The following DNAJB4 variants were observed in gnomAD, a reference collection of about 807,000 sequenced individuals.
DNAJB4 encodes the protein DnaJ heat shock protein family (Hsp40) member B4, also known as dnaJ homolog subfamily B member 4.
DNAJB4 carries 10 observed loss-of-function variants against 26.6 expected under a neutral mutation model. The observed-to-expected ratio is 0.38, with a 90% CI of 0.23 to 0.64. The LOEUF is 0.64. DNAJB4 is among the 30% of genes least tolerant of loss of function. DNAJB4 has a pLI of 0.58. For synonymous variants in DNAJB4, 136 were observed against 134.8 expected, an observed-to-expected ratio of 1.01 and a Z score of -0.06; for missense variants, 328 against 408.2, an observed-to-expected ratio of 0.80 and a Z score of 1.69.
At position 77,985,020 on chromosome 1, in the gene DNAJB4, G is replaced by C. The variant is rs913591493; in HGVS notation, c.-32+4698G>C. On this transcript the variant is annotated intron_variant, in intron 1 of 2. Coordinates refer to the DNAJB4 transcript ENST00000426517. Reference sequence around the variant, plus strand: ...TTTTGTGAACTGTCTTCTATATGAAGCATCGGTGTTTGGGTTGGAGGTTTT... The same window carrying C: ...TTTTGTGAACTGTCTTCTATATGAACCATCGGTGTTTGGGTTGGAGGTTTT... Among the ~76,000 whole-genome samples, 3 of 152,292 alleles carry C rather than the reference G, an allele frequency of 2.0e-5. No individual in the cohort carries two copies. In the South Asian group the frequency reaches 6.2e-4, roughly 32 times the overall value.
At chr1:77,981,958 A>G (rs1349587988) in intron 1 of DNAJB4, among the ~76,000 whole-genome samples, 1 of 152,190 alleles carries the variant, frequency 6.6e-6, no homozygotes, top group African/African-American at 2.4e-5. Flanking sequence ...TTTTTAGAGA[A>G]AAATTTGGAG....
intron 1 of DNAJB4, among the ~76,000 whole-genome samples, chr1:77,989,385 T>G (rs1037705442): frequency 6.6e-6 from 1 of 152,238 alleles, no homozygotes; most frequent in African/African-American, 2.4e-5. Context: ...TCTTTTATCC[T>G]TTCCTTATTA....
intron 1 of DNAJB4, among the ~76,000 whole-genome samples, chr1:78,012,018 G>C (rs1390339261): frequency 6.7e-6 from 1 of 148,774 alleles, no homozygotes; most frequent in Non-Finnish European, 1.5e-5. Flanking sequence ...ACTTTGTGTT[G>C]ATTGCTGAAG....
intron 2 of DNAJB4, among the ~76,000 whole-genome samples, chr1:78,015,020 C>T (rs543575870): frequency 1.3e-5 from 2 of 152,160 alleles, no homozygotes; most frequent in East Asian, 1.9e-4. Context: ...ATCCTCTACT[C>T]CCGGAATCTA....
At chr1:77,990,167 G>A (rs954715052) in intron 1 of DNAJB4, among the ~76,000 whole-genome samples, 71 of 152,204 alleles carry the variant, frequency 4.7e-4, no homozygotes, top group African/African-American at 1.7e-3. Flanking sequence ...TCTTTGGTAT[G>A]TAACCAGCAG....
At chr1:78,000,932 G>T (rs1158339899), upstream of DNAJB4, among the ~76,000 whole-genome samples, 1 of 152,052 alleles carries the variant, frequency 6.6e-6, no homozygotes, top group African/African-American at 2.4e-5. Context: ...GCAGTGAGCC[G>T]AGATTGTGCC....
In DNAJB4 at chr1:77,996,294, C is replaced by T. The variant is rs567158321; in HGVS notation, c.-31-8786C>T. 2.0e-5 allele frequency among the ~76,000 whole-genome samples: 3 copies of T among 152,202 alleles called. No homozygotes were observed. In the South Asian group the frequency reaches 6.2e-4, roughly 32 times the overall value. On this transcript the variant is annotated intron_variant, in intron 1 of 2. Coordinates refer to the DNAJB4 transcript ENST00000426517. ...TGAGCCTCCTGAGTAGCTGGGACTA[C>T]AGGCACATGCCACCATGCCTGGCTG...
intron 1 of DNAJB4, among the ~76,000 whole-genome samples, chr1:77,996,974 A>G (rs1660077127): frequency 6.6e-6 from 1 of 152,340 alleles, no homozygotes; most frequent in African/African-American, 2.4e-5. Context: ...GGCGTGAGCC[A>G]CAGCGCCTGG....
chr1:78,015,240 G>T (rs528355257), intron 2 of DNAJB4, among the ~76,000 whole-genome samples: 1 of 152,258 alleles, frequency 6.6e-6, no homozygotes, highest in South Asian at 2.1e-4. Context: ...GTAAACATTT[G>T]TTATCTAAAA....
upstream of DNAJB4, among the ~76,000 whole-genome samples, chr1:78,003,633 C>T (rs1475476443): frequency 3.3e-5 from 5 of 152,102 alleles, no homozygotes; most frequent in African/African-American, 1.2e-4. Context: ...TGCAATTCTT[C>T]TGACTTTTCT....
rs751032965 is a variant in DNAJB4 at position 78,005,336 on chromosome 1, T to C, written c.211+15T>C. The stretch of plus-strand genomic sequence containing the variant: ...TGGGGAGGAAGGTAAGTATTCTCTG[T>C]ATATCTTTCTGTCTCTTCAGCTCTG... On this transcript the variant is annotated intron_variant, in intron 1 of 2. Coordinates refer to ENST00000370763, the MANE Select transcript of DNAJB4 (RefSeq NM_007034.5). 2.1e-5 allele frequency: 33 copies of C among 1,591,594 alleles called. No homozygotes were observed. The South Asian group carries it at 2.8e-4, about 13-fold the overall frequency.
At chr1:78,000,771 C>A (rs1660170978), upstream of DNAJB4, among the ~76,000 whole-genome samples, 1 of 152,068 alleles carries the variant, frequency 6.6e-6, no homozygotes, top group Non-Finnish European at 1.5e-5. Flanking sequence ...ATCACGAGGT[C>A]AAGAGTTCAA....
chr1:78,015,447 CTTCTTTTTTTT>C (rs1660608689), intron 2 of DNAJB4, among the ~76,000 whole-genome samples: 2 of 69,930 alleles, frequency 2.9e-5, no homozygotes, highest in South Asian at 8.6e-4. Flanking sequence ...TTCTTTTCTT[CTTCTTTTTTTT>C]TTTTTTTTGT....
Position 78,013,179 on chromosome 1 carries a change from A to C in DNAJB4, c.340A>C (p.Arg114=). The C allele has an allele frequency of 1.2e-6, 2 of 1,614,164 alleles. No homozygotes were observed. Among genetic ancestry groups the C allele is most frequent in the Non-Finnish European group, 1.7e-6 (2 of 1,180,036 alleles). ...GSNPFEIFFG[R]RMGGGRDSEE... is the part of the protein sequence containing the mutation. ...CAACCCCTTTGAAATTTTCTTTGGA[A>C]GACGAATGGGTGGTGGTAGAGATTC... Residue 114 remains arginine (R), a synonymous_variant, in exon 2 of 3, where the codon AGA becomes CGA. Transcript: ENST00000370763.
chr1:77,990,994 G>A (rs1000814969), intron 1 of DNAJB4, among the ~76,000 whole-genome samples: 13 of 152,192 alleles, frequency 8.5e-5, no homozygotes, highest in Non-Finnish European at 1.6e-4. Context: ...GTTATGTAAG[G>A]TGATGTGTAA....
intron 1 of DNAJB4, among the ~76,000 whole-genome samples, chr1:78,011,309 G>A (rs533511388): frequency 4.7e-4 from 71 of 152,206 alleles, no homozygotes; most frequent in Middle Eastern, 3.4e-3. Flanking sequence ...AAAGTTTACA[G>A]CTCTTGATTT....
intron 1 of DNAJB4, 132 bp downstream of exon 1, chr1:78,005,453 C>G: frequency 1.3e-6 from 1 of 743,668 alleles, no homozygotes; most frequent in South Asian, 2.0e-5. Flanking sequence ...TCAGTCATAT[C>G]AAAAGTAGAA....
intron 1 of DNAJB4, among the ~76,000 whole-genome samples, chr1:77,987,293 G>T (rs988183752): frequency 2.6e-5 from 4 of 152,128 alleles, no homozygotes; most frequent in Admixed American, 6.5e-5. Context: ...TAAGAGACAG[G>T]ATCTCTGTCG....
At chr1:77,983,128 G>A (rs928333128) in intron 1 of DNAJB4, among the ~76,000 whole-genome samples, 1 of 152,310 alleles carries the variant, frequency 6.6e-6, no homozygotes, top group South Asian at 2.1e-4. Flanking sequence ...CAGCAGACAC[G>A]TGAACAAAGG....
Sources: gnomAD v4.1 joint callset for allele counts (sites outside exome capture counted in the v4.1 genomes callset) on GRCh38, gnomAD v4.1.1 for gene constraint, MANE v1.5 for transcripts, NCBI Gene and HGNC (gene_info 2026-07-23, HGNC 2026-07-21) for gene names.